The following ATP10D variants were observed in gnomAD, a reference collection of about 807,000 sequenced individuals.
The protein encoded by ATP10D is phospholipid-transporting ATPase VD.
Under a neutral mutation model 144.8 loss-of-function variants are expected in ATP10D, and 89 were observed. The observed-to-expected ratio is 0.61, with a 90% CI of 0.52 to 0.73. The LOEUF (loss-of-function observed/expected upper bound fraction) is 0.73. Ranked by LOEUF, ATP10D falls within the 30% of genes least tolerant of loss-of-function variation. The pLI, the probability that ATP10D is intolerant of heterozygous loss-of-function variation, is 0.00. For synonymous variants in ATP10D, 571 were observed against 615.1 expected, an observed-to-expected ratio of 0.93 and a Z score of 1.06; for missense variants, 1,603 against 1,714.8, an observed-to-expected ratio of 0.93 and a Z score of 1.15.
At chr4:47,507,342 GAA>G (rs1302640067) in intron 1 of ATP10D, among the ~76,000 whole-genome samples, 5 of 152,150 alleles carry the variant, frequency 3.3e-5, no homozygotes, top group Non-Finnish European at 7.4e-5. Flanking sequence ...TGGGGTGCCA[GAA>G]ATTGACATTG....
At chr4:47,587,278 A>C in intron 22 of ATP10D, 72 bp downstream of exon 22, 1 of 1,386,124 alleles carries the variant, frequency 7.2e-7, no homozygotes, top group Non-Finnish European at 9.9e-7. Context: ...CAACTACACT[A>C]CTACGAATGG....
chr4:47,522,920 T>A (rs1717018904), intron 3 of ATP10D, 92 bp from the exon 4 acceptor site: 1 of 1,087,570 alleles, frequency 9.2e-7, no homozygotes, highest in African/African-American at 1.6e-5. Context: ...ATATATACTT[T>A]AAATTATACG....
chr4:47,550,169 A>G (rs1718661722), intron 10 of ATP10D, among the ~76,000 whole-genome samples: 2 of 152,166 alleles, frequency 1.3e-5, no homozygotes, highest in Admixed American at 1.3e-4. Context: ...TCCTTGGTCA[A>G]CTTTATGTCC....
chr4:47,488,709 G>T (rs898622019), intron 1 of ATP10D, among the ~76,000 whole-genome samples: 2 of 151,668 alleles, frequency 1.3e-5, no homozygotes, highest in African/African-American at 4.8e-5. Flanking sequence ...GATTGCTATG[G>T]TCTAAATGTT....
intron 9 of ATP10D, among the ~76,000 whole-genome samples, chr4:47,538,915 G>A (rs535545052): frequency 4.6e-5 from 7 of 152,318 alleles, no homozygotes; most frequent in African/African-American, 1.7e-4. Context: ...AACCTAATGA[G>A]ATCATGTCCA....
chr4:47,545,176 C>T (rs960088560), intron 9 of ATP10D, among the ~76,000 whole-genome samples: 1 of 152,050 alleles, frequency 6.6e-6, no homozygotes, highest in Non-Finnish European at 1.5e-5. Context: ...TAAAGAAGCC[C>T]TCAGGCAAGG....
At chr4:47,511,706 C>A (rs773250322) in intron 1 of ATP10D, among the ~76,000 whole-genome samples, 1 of 152,144 alleles carries the variant, frequency 6.6e-6, no homozygotes, top group Non-Finnish European at 1.5e-5. Flanking sequence ...GTGGGCAAGT[C>A]GGGCTGAGCT....
chr4:47,582,063 T>C lies in ATP10D; in HGVS notation c.3752T>C (p.Leu1251Ser), dbSNP rs1720547923. 6.2e-7 allele frequency: 1 copy of C among 1,611,668 alleles called. No individual in the cohort carries two copies. The highest frequency in any genetic ancestry group is 1.3e-5 in the African/African-American group (1 of 74,994). The change falls in exon 21 of 23, where the codon TTG becomes TCG. Residue 1251 changes from leucine to serine, a missense_variant and splice_region_variant. By Grantham distance (145) the Leu-to-Ser change is moderately radical. Coordinates refer to ENST00000273859, the MANE Select transcript of ATP10D (RefSeq NM_020453.4). ...CATCTGGTCATTGAAAGCAAGAGTT[T>C]GGTGAGTGGTTTTCTTGCCTCTGAA... ...LLHLVIESKS[L>S]TWIHLLVIIG... is the part of the protein sequence containing the mutation.
chr4:47,528,895 C>G (rs1017747207), intron 5 of ATP10D, among the ~76,000 whole-genome samples: 1 of 152,070 alleles, frequency 6.6e-6, no homozygotes, highest in Non-Finnish European at 1.5e-5. Flanking sequence ...ATTGGCATTT[C>G]TCTGATGACT....
intron 9 of ATP10D, among the ~76,000 whole-genome samples, chr4:47,543,837 A>ACG (rs1491019937): frequency 2.3e-5 from 1 of 43,140 alleles, no homozygotes; most frequent in Admixed American, 3.4e-4. Flanking sequence ...TATATTATGT[A>ACG]CACACACACA....
At chr4:47,525,360 T>C (rs1717186502) in intron 4 of ATP10D, among the ~76,000 whole-genome samples, 197 bp from the exon 5 acceptor site, 3 of 152,178 alleles carry the variant, frequency 2.0e-5, no homozygotes, top group Admixed American at 1.3e-4. Context: ...TGTTTAATAA[T>C]GCCCTAGGAC....
chr4:47,551,037 C>T (rs977562923), intron 10 of ATP10D, among the ~76,000 whole-genome samples: 5 of 152,258 alleles, frequency 3.3e-5, no homozygotes, highest in Admixed American at 6.5e-5. Context: ...TTGTCCCTCC[C>T]GCTGTCCTCT....
Position 47,557,812 on chromosome 4 carries a change from G to C in ATP10D, c.1973G>C (p.Ser658Thr). 1 of 1,614,218 alleles carries C rather than the reference G, an allele frequency of 6.2e-7. No homozygotes were observed. Reference protein sequence around the residue: ...PSSGVPNAFVSRLPLFSRMKP... With the variant: ...PSSGVPNAFVTRLPLFSRMKP... ...TCTGGAGTTCCAAACGCCTTTGTGA[G>C]CAGACTCCCTCTCTTTAGTCGAATG... is the stretch of plus-strand genomic sequence containing the variant. The change falls in exon 12 of 23, where the codon AGC becomes ACC. Residue 658 changes from serine (S) to threonine (T), a missense_variant. Coordinates refer to ENST00000273859, the MANE Select transcript of ATP10D (RefSeq NM_020453.4).
At chr4:47,514,060 A>G (rs1219569130) in intron 2 of ATP10D, among the ~76,000 whole-genome samples, 1 of 152,234 alleles carries the variant, frequency 6.6e-6, no homozygotes, top group Non-Finnish European at 1.5e-5. Context: ...CAGAAAAATG[A>G]AAAACAAGAG....
intron 21 of ATP10D, among the ~76,000 whole-genome samples, chr4:47,586,527 C>T (rs1720799442): frequency 6.6e-6 from 1 of 152,172 alleles, no homozygotes; most frequent in Admixed American, 6.5e-5. Context: ...CAAAGCAAGA[C>T]ATATGGCCAT....
intron 1 of ATP10D, among the ~76,000 whole-genome samples, chr4:47,498,675 C>T (rs905447586): frequency 6.6e-6 from 1 of 152,162 alleles, no homozygotes; most frequent in Non-Finnish European, 1.5e-5. Context: ...GCAACAAGAA[C>T]CTGATTAATG....
intron 22 of ATP10D, among the ~76,000 whole-genome samples, chr4:47,588,858 A>G (rs1274655588): frequency 6.6e-6 from 1 of 152,206 alleles, no homozygotes; most frequent in Non-Finnish European, 1.5e-5. Context: ...CTTTAACAGT[A>G]TAGTTCTAAT....
At chr4:47,586,955 G>A (rs1446551243) in intron 21 of ATP10D, 64 bp from the exon 22 acceptor site, 2 of 1,471,394 alleles carry the variant, frequency 1.4e-6, no homozygotes, top group East Asian at 2.3e-5. Context: ...GAGCAGATTT[G>A]TCCGGGTGGC....
intron 1 of ATP10D, among the ~76,000 whole-genome samples, chr4:47,489,442 A>G (rs2109377959): frequency 6.6e-6 from 1 of 152,328 alleles, no homozygotes; most frequent in Non-Finnish European, 1.5e-5. Flanking sequence ...GGAATAAACC[A>G]AAGATTAATA....
Sources: gnomAD v4.1 joint callset for allele counts (sites outside exome capture counted in the v4.1 genomes callset) on GRCh38, gnomAD v4.1.1 for gene constraint, MANE v1.5 for transcripts, NCBI Gene and HGNC (gene_info 2026-07-23, HGNC 2026-07-21) for gene names.